PPP1R21: variants seen among roughly 807,000 people sequenced by gnomAD.
PPP1R21 encodes KLRAQ motif containing 1.
PPP1R21 carries 85 observed loss-of-function variants against 112.8 expected under a neutral mutation model. The ratio of observed to expected loss-of-function variants is 0.75; its 90% confidence interval spans 0.63 to 0.90. The LOEUF is 0.90. Ranked by LOEUF, PPP1R21 falls within the 40% of genes least tolerant of loss-of-function variation. The pLI is 0.00. For missense variants in PPP1R21, 1,199 were observed against 901.5 expected (o/e 1.33, Z -4.23); for synonymous variants, 381 against 322.3 (o/e 1.18, Z -1.95).
chr2:48,483,569 A>G (rs1190762976), intron 13 of PPP1R21, among the ~76,000 whole-genome samples: 3 of 152,234 alleles, frequency 2.0e-5, no homozygotes, highest in African/African-American at 4.8e-5. Context: ...AGCTAGAGGC[A>G]TCACGTTAAC....
chr2:48,455,142 A>ATTTTT (rs767494556), intron 3 of PPP1R21, among the ~76,000 whole-genome samples: 4 of 117,014 alleles, frequency 3.4e-5, no homozygotes, highest in Non-Finnish European at 5.3e-5. Flanking sequence ...CCGGCCCTGA[A>ATTTTT]TTTTTTTTTT....
chr2:48,473,491 CTAAGA>C (rs1480596587), intron 11 of PPP1R21, among the ~76,000 whole-genome samples: 1 of 152,138 alleles, frequency 6.6e-6, no homozygotes, highest in Non-Finnish European at 1.5e-5. Flanking sequence ...CTTTCTTAAG[CTAAGA>C]TTTCTACTTT....
intron 19 of PPP1R21, among the ~76,000 whole-genome samples, chr2:48,507,625 C>G (rs940402071): frequency 6.6e-6 from 1 of 151,964 alleles, no homozygotes; most frequent in Non-Finnish European, 1.5e-5. Context: ...CCTCGACCTC[C>G]CAAAGTGCTG....
chr2:48,486,570 G>C, intron 13 of PPP1R21, 61 bp from the exon 14 acceptor site: 2 of 1,269,950 alleles, frequency 1.6e-6, no homozygotes, highest in Non-Finnish European at 2.3e-6. Context: ...TGAATGGGCT[G>C]GTTATCTGTA....
chr2:48,502,410 T>A (rs974595929), intron 17 of PPP1R21, among the ~76,000 whole-genome samples: 4 of 147,670 alleles, frequency 2.7e-5, no homozygotes, highest in Non-Finnish European at 5.9e-5. Flanking sequence ...TAAAAAGAGA[T>A]GGAGTTTTCT....
intron 18 of PPP1R21, 182 bp from the exon 19 acceptor site, chr2:48,507,087 G>C (rs1443381910): frequency 1.3e-6 from 1 of 798,886 alleles, no homozygotes; most frequent in Non-Finnish European, 1.7e-6. Context: ...CTAAATAAAA[G>C]AAATTTGGAA....
At position 48,471,377 on chromosome 2, in the gene PPP1R21, C is replaced by T. The variant is rs1468909271; in HGVS notation, c.1088+10C>T. On this transcript the variant is annotated intron_variant, in intron 11 of 21. Transcript: ENST00000294952. ...CCTATCAGTTAAAAAGGTAGTTACC[C>T]CCGGAGGCCAGGGAACTTGGGGAAT... 1.3e-6 allele frequency: 2 copies of T among 1,597,852 alleles called. No individual in the cohort carries two copies. Among genetic ancestry groups the T allele is most frequent in the South Asian group, 1.1e-5 (1 of 87,286 alleles).
chr2:48,501,295 T>A (rs969268401), intron 17 of PPP1R21, among the ~76,000 whole-genome samples: 1 of 152,210 alleles, frequency 6.6e-6, no homozygotes, highest in African/African-American at 2.4e-5. Flanking sequence ...TTATGTCTGA[T>A]TTCTTCTCCC....
chr2:48,511,224 A>C, intron 20 of PPP1R21, 116 bp from the exon 21 acceptor site: 3 of 1,016,628 alleles, frequency 3.0e-6, no homozygotes, highest in Non-Finnish European at 2.9e-6. Context: ...AATATACAGT[A>C]AATTATTGGG....
At chr2:48,468,250 C>T (rs1287510298) in intron 9 of PPP1R21, among the ~76,000 whole-genome samples, 2 of 152,170 alleles carry the variant, frequency 1.3e-5, no homozygotes, top group Non-Finnish European at 2.9e-5. Flanking sequence ...CAGTGCGTGG[C>T]ATGTAATACT....
At position 48,460,148 on chromosome 2, in the gene PPP1R21, A is replaced by G; in HGVS notation, c.594A>G (p.Glu198=). 1.2e-6 allele frequency: 2 copies of G among 1,614,150 alleles called. No homozygotes were observed. Among genetic ancestry groups the G allele is most frequent in the Non-Finnish European group, 1.7e-6 (2 of 1,180,006 alleles). Residue 198 remains glutamate (E), a synonymous_variant, in exon 6 of 22, where the codon GAA becomes GAG. Transcript: ENST00000294952. ...CCAAGGAATGTCGACTTCGAACGGA[A>G]GAATGGTATGTGGAAACTTGAATTC... ...KEAKECRLRT[E]ECQLQLKTLH...
In PPP1R21 at chr2:48,480,159, C is replaced by G. The variant is rs949302108; in HGVS notation, c.1318+143C>G. ...CATTTGGCTTATGTTGAGTGCACAG[C>G]TCACTGCCTTCTGCTTTTCCCATCT... is the stretch of plus-strand genomic sequence containing the variant. On this transcript the variant is annotated intron_variant, in intron 13 of 21. Transcript: ENST00000294952. 14 of 651,082 alleles carry G rather than the reference C, an allele frequency of 2.2e-5. No homozygotes were observed. In the East Asian group the frequency reaches 3.7e-4, roughly 17 times the overall value. The allele number at this position is 651,082 out of a possible 1,614,324, so 40.3% of individuals were successfully genotyped here. A position where few individuals can be genotyped will look rare whatever the true frequency, so the allele number is the denominator to read the frequency against.
chr2:48,462,398 C>T (rs1294879903), intron 7 of PPP1R21, among the ~76,000 whole-genome samples: 1 of 152,128 alleles, frequency 6.6e-6, no homozygotes, highest in African/African-American at 2.4e-5. Flanking sequence ...CCATAAAGAA[C>T]CTCCTGGGGT....
At chr2:48,441,195 G>A (rs1667012908) in intron 1 of PPP1R21, 185 bp downstream of exon 1, 1 of 619,034 alleles carries the variant, frequency 1.6e-6, no homozygotes, top group Admixed American at 3.3e-5. Context: ...ATGGGGCCGG[G>A]CGGTGTCTGC....
At chr2:48,508,312 C>T (rs181669040) in intron 19 of PPP1R21, among the ~76,000 whole-genome samples, 2 of 152,190 alleles carry the variant, frequency 1.3e-5, no homozygotes, top group East Asian at 1.9e-4. Flanking sequence ...TAATGCTTAA[C>T]GTTGTTAAAT....
intron 7 of PPP1R21, among the ~76,000 whole-genome samples, chr2:48,464,438 G>A (rs917707775): frequency 6.6e-6 from 1 of 152,164 alleles, no homozygotes; most frequent in South Asian, 2.1e-4. Flanking sequence ...ACAGACCAGG[G>A]TAGAGAGGAA....
chr2:48,493,748 A>T (rs1184033218), intron 15 of PPP1R21, among the ~76,000 whole-genome samples: 1 of 152,080 alleles, frequency 6.6e-6, no homozygotes, highest in African/African-American at 2.4e-5. Flanking sequence ...TTCTCCATTC[A>T]GTTAGAAATG....
Position 48,469,303 on chromosome 2 carries a change from A to G in PPP1R21, c.898-1784A>G, listed in dbSNP as rs1461131864. ...TGTGTGTGTGTGTGTGTGTATGTAT[A>G]TATATACACACACACACATATATAT... is the stretch of plus-strand genomic sequence containing the variant. On this transcript the variant is annotated intron_variant, in intron 9 of 21. Transcript: ENST00000294952. Among the ~76,000 whole-genome samples the G allele has an allele frequency of 1.6e-4, 19 of 120,106 alleles. 1 individual carries two copies. The highest frequency in any genetic ancestry group is 1.2e-3 in the South Asian group (5 of 4,210). The allele number at this position is 120,106 out of a possible 152,430, so 78.8% of individuals were successfully genotyped here.
chr2:48,457,548 G>A (rs1488065095), intron 3 of PPP1R21, among the ~76,000 whole-genome samples: 1 of 152,082 alleles, frequency 6.6e-6, no homozygotes, highest in Non-Finnish European at 1.5e-5. Context: ...TATGTAGAAC[G>A]AGTTCATATT....
Sources: gnomAD v4.1 joint callset for allele counts (sites outside exome capture counted in the v4.1 genomes callset) on GRCh38, gnomAD v4.1.1 for gene constraint, MANE v1.5 for transcripts, NCBI Gene and HGNC (gene_info 2026-07-23, HGNC 2026-07-21) for gene names.